The following CAST variants were observed in gnomAD, a reference collection of about 807,000 sequenced individuals.
The protein encoded by CAST is MIR583 host.
A neutral mutation model predicts 119.6 loss-of-function variants in CAST; 76 were observed. The observed-to-expected ratio is 0.64, with a 90% CI of 0.53 to 0.77. The LOEUF is 0.77. Among genes scored for constraint, CAST ranks in the 30% least tolerant of loss-of-function variants. The pLI is 0.00. For synonymous variants in CAST, 319 were observed against 331.6 expected, an observed-to-expected ratio of 0.96 and a Z score of 0.41; for missense variants, 953 against 946.5, an observed-to-expected ratio of 1.01 and a Z score of -0.09.
the CAST span, among the ~76,000 whole-genome samples, chr5:96,067,718 T>A: frequency 6.6e-6 from 1 of 152,160 alleles, no homozygotes; most frequent in Non-Finnish European, 1.5e-5. Flanking sequence ...AGGCTATATC[T>A]TTTTCATGCT....
At chr5:96,486,598 C>T in the CAST span, among the ~76,000 whole-genome samples, 32 of 152,268 alleles carry the variant, frequency 2.1e-4, no homozygotes, top group African/African-American at 2.9e-4. Flanking sequence ...GCAGACAGAG[C>T]GTCTCCCTCC....
At chr5:96,404,700 C>G in the CAST span, among the ~76,000 whole-genome samples, 9 of 152,188 alleles carry the variant, frequency 5.9e-5, no homozygotes, top group Non-Finnish European at 1.2e-4. Context: ...CTGTGGGAGG[C>G]TGCAAGGTGT....
the CAST span, among the ~76,000 whole-genome samples, chr5:95,979,780 TG>T: frequency 2.0e-5 from 3 of 152,180 alleles, no homozygotes; most frequent in African/African-American, 7.2e-5. Context: ...CAAAGTCCCA[TG>T]TTTTTTCTAT....
chr5:96,393,174 A>G, the CAST span: 5 of 1,614,126 alleles, frequency 3.1e-6, no homozygotes, highest in East Asian at 1.1e-4. Flanking sequence ...AAGTTTTCAT[A>G]AGGGATGTTG....
chr5:96,376,888 A>T, the CAST span, among the ~76,000 whole-genome samples: 1 of 152,222 alleles, frequency 6.6e-6, no homozygotes, highest in Admixed American at 6.5e-5. Flanking sequence ...CATGAGTGTC[A>T]TTCCCCATAA....
chr5:96,167,729 G>A, the CAST span, among the ~76,000 whole-genome samples: 1 of 152,202 alleles, frequency 6.6e-6, no homozygotes, highest in Non-Finnish European at 1.5e-5. Context: ...AATGACGGCG[G>A]TGGCCTTCTC....
At chr5:96,107,275 G>A in the CAST span, among the ~76,000 whole-genome samples, 2 of 151,694 alleles carry the variant, frequency 1.3e-5, no homozygotes, top group African/African-American at 4.8e-5. Context: ...TATGATGTTA[G>A]CTGGTTATTT....
At chr5:96,386,296 C>T in the CAST span, among the ~76,000 whole-genome samples, 1 of 152,108 alleles carries the variant, frequency 6.6e-6, no homozygotes, top group East Asian at 1.9e-4. Context: ...CTTCTTTTCC[C>T]TCACTTGTTG....
At chr5:96,129,925 A>G in the CAST span, among the ~76,000 whole-genome samples, 2 of 151,930 alleles carry the variant, frequency 1.3e-5, no homozygotes, top group Non-Finnish European at 2.9e-5. Flanking sequence ...GGCATCCCTT[A>G]TAACTAATTG....
At chr5:96,167,049 A>G in the CAST span, among the ~76,000 whole-genome samples, 1 of 152,136 alleles carries the variant, frequency 6.6e-6, no homozygotes, top group Admixed American at 6.5e-5. Flanking sequence ...ATACAGAATT[A>G]TTGGTGATGG....
the CAST span, among the ~76,000 whole-genome samples, chr5:96,202,433 AAG>A: frequency 2.0e-5 from 3 of 152,118 alleles, no homozygotes; most frequent in Non-Finnish European, 4.4e-5. Flanking sequence ...TTGTGGAGGA[AAG>A]AGTTTTTCTC....
chr5:96,565,757 T>C (rs1746454479), intron 1 of CAST, among the ~76,000 whole-genome samples: 1 of 152,122 alleles, frequency 6.6e-6, no homozygotes, highest in Non-Finnish European at 1.5e-5. Flanking sequence ...GGAACAGCCA[T>C]CTCCCCATGA....
the CAST span, chr5:96,392,277 G>A: frequency 6.6e-6 from 1 of 151,986 alleles, no homozygotes. Flanking sequence ...GAGAAACAGA[G>A]GAAAGACCAG....
chr5:96,313,829 C>T, the CAST span, among the ~76,000 whole-genome samples: 1 of 151,904 alleles, frequency 6.6e-6, no homozygotes, highest in East Asian at 1.9e-4. Flanking sequence ...TGTCATGATA[C>T]CTCATTTTGT....
At chr5:96,087,971 G>T in the CAST span, among the ~76,000 whole-genome samples, 1 of 152,178 alleles carries the variant, frequency 6.6e-6, no homozygotes. Flanking sequence ...GAATGCATCT[G>T]CATAGAGGCA....
chr5:95,997,608 A>T, the CAST span, among the ~76,000 whole-genome samples: 2 of 152,304 alleles, frequency 1.3e-5, no homozygotes, highest in East Asian at 1.9e-4. Context: ...AAGCACTCAG[A>T]ATAGATGTGT....
At chr5:96,379,316 G>A in the CAST span, among the ~76,000 whole-genome samples, 1 of 152,292 alleles carries the variant, frequency 6.6e-6, no homozygotes, top group South Asian at 2.1e-4. Flanking sequence ...CCCTCATCTA[G>A]ATTCATTTGC....
chr5:96,570,153 C>A (rs1746544858), intron 1 of CAST, among the ~76,000 whole-genome samples: 1 of 152,218 alleles, frequency 6.6e-6, no homozygotes, highest in African/African-American at 2.4e-5. Flanking sequence ...CCTAACATGA[C>A]AATAAGATCC....
At chr5:96,212,251 A>C in the CAST span, among the ~76,000 whole-genome samples, 1 of 152,036 alleles carries the variant, frequency 6.6e-6, no homozygotes, top group Non-Finnish European at 1.5e-5. Flanking sequence ...CTCTGTTCTA[A>C]TGTAAGCATT....
Sources: allele counts gnomAD v4.1 joint callset (sites outside exome capture counted in the v4.1 genomes callset), GRCh38; gene constraint gnomAD v4.1.1; transcripts MANE v1.5; gene names NCBI Gene and HGNC (gene_info 2026-07-23, HGNC 2026-07-21).